Variants in UBE2J2 observed in about 807,000 individuals in gnomAD.
UBE2J2 encodes ubiquitin-conjugating enzyme E2 J2.
In UBE2J2, 5 loss-of-function variants were observed where a neutral mutation model predicts 28.6. The observed-to-expected ratio is 0.17, with a 90% CI of 0.09 to 0.37. The LOEUF (loss-of-function observed/expected upper bound fraction) is 0.37, where lower values mean the gene tolerates loss of function less well. UBE2J2 is among the 10% of genes least tolerant of loss of function. The pLI is 1.00. For synonymous variants in UBE2J2, 138 were observed against 139.7 expected, an observed-to-expected ratio of 0.99 and a Z score of 0.09; for missense variants, 226 against 338.9, an observed-to-expected ratio of 0.67 and a Z score of 2.62.
intron 2 of UBE2J2, chr1:1,267,623 G>GA (rs771231922): frequency 3.3e-5 from 36 of 1,093,886 alleles, no homozygotes; most frequent in Non-Finnish European, 4.0e-5. Context: ...CCACACCGGA[G>GA]ATTCTCTCCA....
rs114345030 is a variant in UBE2J2, at chr1:1,268,084, G to A, written c.1-92C>T. On this transcript the variant is annotated intron_variant, in intron 1 of 6. Transcript: ENST00000349431. The surrounding 1 kb of genome is among the most constrained non-coding windows in gnomAD (Gnocchi z 4.7). Reference sequence around the variant, plus strand: ...AGCCCCACTCCCGCCTCTGCAGCCCGCCATTCATTCAGGGCCCGGTCACCC... The same window carrying A: ...AGCCCCACTCCCGCCTCTGCAGCCCACCATTCATTCAGGGCCCGGTCACCC... The A allele has an allele frequency of 0.025, 38,271 of 1,536,106 alleles. 619 individuals are homozygous for A. The highest frequency in any genetic ancestry group is 0.042 in the South Asian group (3,629 of 87,256).
At chr1:1,257,867 A>G (rs1381256862) in intron 3 of UBE2J2, among the ~76,000 whole-genome samples, 1 of 151,950 alleles carries the variant, frequency 6.6e-6, no homozygotes. Flanking sequence ...AAGTTCTGCC[A>G]AATGCCCCCT....
At chr1:1,261,652 T>G (rs1016087221) in intron 3 of UBE2J2, among the ~76,000 whole-genome samples, 10 of 131,186 alleles carry the variant, frequency 7.6e-5, no homozygotes, top group South Asian at 5.0e-4. Flanking sequence ...CCCATTTTGG[T>G]TTTTTTTTTT....
intron 2 of UBE2J2, chr1:1,263,618 T>G (rs1639684049): frequency 2.2e-6 from 1 of 450,998 alleles, no homozygotes; most frequent in African/African-American, 1.9e-5. Context: ...CTTTATAAGT[T>G]TACCATAAAG....
rs531589472 is a variant in UBE2J2, at chr1:1,270,096, C to T, written c.1-2104G>A. Among the ~76,000 whole-genome samples the T allele has an allele frequency of 1.6e-3, 249 of 152,278 alleles. 5 individuals carry two copies. Among genetic ancestry groups the T allele is most frequent in the Non-Finnish European group, 2.5e-3 (167 of 68,026 alleles). ...CTTGCCCGCTCTCTCTAGCCTGCTG[C>T]CATGTGAGACATGCCTCTTCCCCTT... On this transcript the variant is annotated intron_variant, in intron 1 of 6. Transcript: ENST00000349431.
rs180985831 is a variant in UBE2J2 at position 1,254,025 on chromosome 1, G to C, written c.*1178C>G. 2.6e-5 allele frequency: 4 copies of C among 152,358 alleles called. No homozygotes were observed. Among genetic ancestry groups the C allele is most frequent in the African/African-American group, 4.8e-5 (2 of 41,586 alleles). 9.4% of individuals were successfully genotyped at this position (152,358 alleles called of 1,614,324 possible). A position where few individuals can be genotyped will look rare whatever the true frequency, so the allele number is the denominator to read the frequency against. ...ATAAACTGATCAAAAAACGAAGAAA[G>C]ATGAGCGCGTGCGGGCTGGGCTTGT... is the stretch of plus-strand genomic sequence containing the variant. On this transcript the variant is annotated 3_prime_UTR_variant, in exon 7 of 7. Coordinates refer to ENST00000349431, the MANE Select transcript of UBE2J2 (RefSeq NM_058167.3).
At chr1:1,263,048 A>G (rs1442828585) in intron 3 of UBE2J2, 2 of 349,040 alleles carry the variant, frequency 5.7e-6, no homozygotes, top group Non-Finnish European at 1.1e-5. Flanking sequence ...AAGAAATAGT[A>G]GAACAGGCCA....
In UBE2J2 at chr1:1,254,223, G is replaced by A. The variant is rs1570526141; in HGVS notation, c.*980C>T. ...CCCGAAACAGCCCCTGCTGGCTCTG[G>A]CGTCTTTCCGGGCCGGGGTGCCCCT... On this transcript the variant is annotated 3_prime_UTR_variant, in exon 7 of 7. Transcript: ENST00000349431. 1 of 152,330 alleles carries A rather than the reference G, an allele frequency of 6.6e-6. No individual in the cohort carries two copies. The highest frequency in any genetic ancestry group is 1.9e-4 in the East Asian group (1 of 5,164). 9.4% of individuals were successfully genotyped at this position (152,330 alleles called of 1,614,324 possible).
At chr1:1,265,455 T>C (rs1207127079) in intron 2 of UBE2J2, among the ~76,000 whole-genome samples, 2 of 152,160 alleles carry the variant, frequency 1.3e-5, no homozygotes, top group African/African-American at 4.8e-5. Context: ...AATGAGTTTC[T>C]CTGCTCAACA....
intron 2 of UBE2J2, chr1:1,266,433 G>T: frequency 5.6e-6 from 1 of 179,578 alleles, no homozygotes. Context: ...CTCTAAGGCA[G>T]GAGAATTGCT....
chr1:1,258,491 G>T (rs1050659952), intron 3 of UBE2J2, among the ~76,000 whole-genome samples: 12 of 151,604 alleles, frequency 7.9e-5, no homozygotes, highest in Non-Finnish European at 1.6e-4. Context: ...CCAAGCACAG[G>T]GTGCTCTCCT....
intron 2 of UBE2J2, among the ~76,000 whole-genome samples, chr1:1,265,663 CTG>C (rs1491545583): frequency 2.1e-5 from 3 of 144,968 alleles, no homozygotes; most frequent in Admixed American, 7.0e-5. Flanking sequence ...GAGTCTCACT[CTG>C]TCGCCAGGCT....
intron 1 of UBE2J2, among the ~76,000 whole-genome samples, chr1:1,271,994 A>AATAAAAAAT (rs1640173914): frequency 6.7e-6 from 1 of 148,512 alleles, no homozygotes; most frequent in African/African-American, 2.5e-5. Context: ...AAAAAAAAAA[A>AATAAAAAAT]AAAAAAAAAA....
chr1:1,256,653 C>A (rs939091091), intron 5 of UBE2J2, among the ~76,000 whole-genome samples: 4 of 152,042 alleles, frequency 2.6e-5, no homozygotes, highest in East Asian at 1.9e-4. Context: ...GAGGCCCAGG[C>A]GGGCGGATCA....
chr1:1,264,570 G>A (rs1258885315), intron 2 of UBE2J2, among the ~76,000 whole-genome samples: 3 of 152,106 alleles, frequency 2.0e-5, no homozygotes, highest in African/African-American at 4.8e-5. Context: ...TCAGGAATTC[G>A]AGACCAGCCT....
At chr1:1,266,080 G>C in intron 2 of UBE2J2, 1 of 1,304,052 alleles carries the variant, frequency 7.7e-7, no homozygotes, top group Admixed American at 2.3e-5. Flanking sequence ...CGGCTACCGT[G>C]GAACTTGTCC....
intron 1 of UBE2J2, chr1:1,271,569 C>T (rs1035461334): frequency 1.3e-5 from 2 of 152,150 alleles, no homozygotes; most frequent in Non-Finnish European, 2.9e-5. Context: ...CCCAGCCACT[C>T]TTCCTGAGCT....
intron 3 of UBE2J2, chr1:1,262,319 G>GGA (rs1218193071): frequency 2.2e-6 from 1 of 456,196 alleles, no homozygotes; most frequent in Admixed American, 2.3e-5. Context: ...ACACGATGAT[G>GGA]GAGGGCCCAC....
chr1:1,261,563 T>C (rs1051588972), intron 3 of UBE2J2, among the ~76,000 whole-genome samples: 1 of 152,138 alleles, frequency 6.6e-6, no homozygotes, highest in Admixed American at 6.5e-5. Flanking sequence ...TATTCACTAT[T>C]TATTTTTAAA....
Sources: gnomAD v4.1 joint callset for allele counts (sites outside exome capture counted in the v4.1 genomes callset) on GRCh38, gnomAD v4.1.1 for gene constraint, Gnocchi (gnomAD v3.1) non-coding constraint, MANE v1.5 for transcripts, NCBI Gene and HGNC (gene_info 2026-07-23, HGNC 2026-07-21) for gene names.